TAS2R1: variants seen among roughly 807,000 people sequenced by gnomAD.
TAS2R1 encodes taste receptor type 2 member 1.
For synonymous variants in TAS2R1, 141 were observed against 134.2 expected, an observed-to-expected ratio of 1.05 and a Z score of -0.35; for missense variants, 370 against 353.4, an observed-to-expected ratio of 1.05 and a Z score of -0.38.
At chr5:9,653,710 C>G (rs1411655729) in intron 2 of TAS2R1, among the ~76,000 whole-genome samples, 1 of 152,138 alleles carries the variant, frequency 6.6e-6, no homozygotes, top group East Asian at 1.9e-4. Flanking sequence ...AGGATCTTAA[C>G]CTCCAGAAAA....
At chr5:9,727,911 G>GGAAGGGGTAGAA in the TAS2R1 span, among the ~76,000 whole-genome samples, 1 of 152,226 alleles carries the variant, frequency 6.6e-6, no homozygotes, top group Non-Finnish European at 1.5e-5. Context: ...AGCATGAGTA[G>GGAAGGGGTAGAA]GAAGGGGTAG....
chr5:9,781,755 C>T, the TAS2R1 span, among the ~76,000 whole-genome samples: 1 of 152,234 alleles, frequency 6.6e-6, no homozygotes, highest in African/African-American at 2.4e-5. Flanking sequence ...CATGCTCACT[C>T]TGCCTACTTC....
chr5:9,855,372 G>A, the TAS2R1 span, among the ~76,000 whole-genome samples: 1 of 152,184 alleles, frequency 6.6e-6, no homozygotes, highest in Non-Finnish European at 1.5e-5. Flanking sequence ...CATCACAATA[G>A]GAAATAAGTT....
chr5:9,888,902 T>C, the TAS2R1 span, among the ~76,000 whole-genome samples: 1 of 151,980 alleles, frequency 6.6e-6, no homozygotes, highest in African/African-American at 2.4e-5. Flanking sequence ...GGAAATTAGG[T>C]GAATGTGATC....
intron 1 of TAS2R1, among the ~76,000 whole-genome samples, chr5:9,661,142 A>C (rs1185751293): frequency 6.6e-6 from 1 of 152,250 alleles, no homozygotes; most frequent in Non-Finnish European, 1.5e-5. Context: ...TTATGGCAGC[A>C]ACATAAAACT....
the TAS2R1 span, among the ~76,000 whole-genome samples, chr5:9,753,256 T>G: frequency 1.1e-4 from 16 of 152,240 alleles, no homozygotes; most frequent in Non-Finnish European, 2.1e-4. Context: ...TGGTTTGAGA[T>G]GGTATCTCAT....
intron 2 of TAS2R1, among the ~76,000 whole-genome samples, chr5:9,638,661 G>A (rs1740014337): frequency 6.6e-6 from 1 of 152,118 alleles, no homozygotes; most frequent in African/African-American, 2.4e-5. Context: ...TTTCTCATGT[G>A]ATGTGTGGGG....
the TAS2R1 span, among the ~76,000 whole-genome samples, chr5:9,781,060 A>G: frequency 6.6e-6 from 1 of 152,208 alleles, no homozygotes; most frequent in African/African-American, 2.4e-5. Flanking sequence ...TGTAGGATAT[A>G]TATCCTATAG....
At chr5:9,769,501 A>C in the TAS2R1 span, among the ~76,000 whole-genome samples, 1 of 152,164 alleles carries the variant, frequency 6.6e-6, no homozygotes, top group African/African-American at 2.4e-5. Flanking sequence ...TGTTCTCCAT[A>C]ATGGTTGTAC....
At chr5:9,878,550 C>T in the TAS2R1 span, among the ~76,000 whole-genome samples, 12 of 152,316 alleles carry the variant, frequency 7.9e-5, no homozygotes, top group African/African-American at 2.6e-4. Flanking sequence ...TGATATGATT[C>T]TTCTAAAAGT....
chr5:9,661,192 C>G (rs540791346), intron 1 of TAS2R1, among the ~76,000 whole-genome samples: 1 of 152,312 alleles, frequency 6.6e-6, no homozygotes, highest in South Asian at 2.1e-4. Flanking sequence ...CTAATTAAAA[C>G]CTTACCACTT....
chr5:9,781,972 T>C, the TAS2R1 span, among the ~76,000 whole-genome samples: 1 of 152,236 alleles, frequency 6.6e-6, no homozygotes. Context: ...GGGATAGATG[T>C]CTTTCTGGTT....
At chr5:9,640,863 T>A (rs1259451671) in intron 2 of TAS2R1, among the ~76,000 whole-genome samples, 3 of 151,840 alleles carry the variant, frequency 2.0e-5, no homozygotes, top group African/African-American at 7.3e-5. Context: ...AGGAAAAAAA[T>A]AAATATTAGC....
chr5:9,801,853 C>A, the TAS2R1 span, among the ~76,000 whole-genome samples: 4 of 152,158 alleles, frequency 2.6e-5, no homozygotes, highest in African/African-American at 7.2e-5. Flanking sequence ...ACCACTCCCC[C>A]ATCCCCCACA....
chr5:9,693,690 T>C (rs1741300183), intron 1 of TAS2R1, among the ~76,000 whole-genome samples: 1 of 152,098 alleles, frequency 6.6e-6, no homozygotes, highest in East Asian at 1.9e-4. Context: ...TTCTATTATC[T>C]GTATCCCTTG....
the TAS2R1 span, among the ~76,000 whole-genome samples, chr5:9,890,920 T>G: frequency 6.6e-6 from 1 of 152,202 alleles, no homozygotes; most frequent in Non-Finnish European, 1.5e-5. Flanking sequence ...GTCTTCCATG[T>G]GGACATCGTT....
rs116235542 is a variant in TAS2R1 at position 9,693,766 on chromosome 5, G to A, written c.-242+18406C>T. Among the ~76,000 whole-genome samples the A allele has an allele frequency of 1.9e-3, 294 of 151,994 alleles. 2 individuals are homozygous for A. The highest frequency in any genetic ancestry group is 3.4e-3 in the Middle Eastern group (1 of 292). Reference sequence around the variant, plus strand: ...TCCCCAGAGTAAGACTGCCGACTACGTTGCCTTTTAAAAAAATAGGTATAT... The same window carrying A: ...TCCCCAGAGTAAGACTGCCGACTACATTGCCTTTTAAAAAAATAGGTATAT... On this transcript the variant is annotated intron_variant, in intron 1 of 2. Coordinates refer to the TAS2R1 transcript ENST00000506620.
At chr5:9,653,442 T>A (rs904455841) in intron 2 of TAS2R1, among the ~76,000 whole-genome samples, 1 of 152,230 alleles carries the variant, frequency 6.6e-6, no homozygotes, top group Non-Finnish European at 1.5e-5. Flanking sequence ...TACTTCTACC[T>A]TTTGGTTGTT....
intron 1 of TAS2R1, among the ~76,000 whole-genome samples, chr5:9,662,636 C>G (rs879792791): frequency 6.6e-6 from 1 of 152,144 alleles, no homozygotes; most frequent in African/African-American, 2.4e-5. Flanking sequence ...CATGCATGCT[C>G]TCACACACAC....
Sources: allele counts gnomAD v4.1 joint callset (sites outside exome capture counted in the v4.1 genomes callset), GRCh38; gene constraint gnomAD v4.1.1; transcripts MANE v1.5; gene names NCBI Gene and HGNC (gene_info 2026-07-23, HGNC 2026-07-21).